The following MAP4K4 variants were observed in gnomAD, a reference collection of about 807,000 sequenced individuals.
MAP4K4 encodes the protein mitogen-activated protein kinase kinase kinase kinase 4, also known as HPK/GCK-like kinase HGK.
A neutral mutation model predicts 189.6 loss-of-function variants in MAP4K4; 38 were observed. The ratio of observed to expected loss-of-function variants is 0.20; its 90% CI spans 0.15 to 0.26. The LOEUF is 0.26. Ranked by LOEUF, MAP4K4 falls within the 10% of genes least tolerant of loss-of-function variation. The probability of loss-of-function intolerance (pLI) is 1.00; values close to 1 mark genes in which losing one functional copy is unlikely to be tolerated. For missense variants in MAP4K4, 1,054 were observed against 1,726.9 expected (o/e 0.61, Z 6.91); for synonymous variants, 610 against 624.3 (o/e 0.98, Z 0.34).
At chr2:101,730,096 G>C (rs868007689) in intron 2 of MAP4K4, among the ~76,000 whole-genome samples, 1 of 152,312 alleles carries the variant, frequency 6.6e-6, no homozygotes, top group Middle Eastern at 3.4e-3. Flanking sequence ...ACCTAGGACG[G>C]GGGAAAGTAA....
chr2:101,702,878 C>T lies in MAP4K4; in HGVS notation c.123+4340C>T, dbSNP rs569987051. Among the ~76,000 whole-genome samples, 6 of 152,264 alleles carry T rather than the reference C, an allele frequency of 3.9e-5. No individual in the cohort carries two copies. In the East Asian group the frequency reaches 1.2e-3, roughly 29 times the overall value. On this transcript the variant is annotated intron_variant, in intron 2 of 32. Coordinates refer to ENST00000324219, the Ensembl canonical transcript of MAP4K4. ...GCTAAGAGTTTGCTCATTCGATGCC[C>T]ATTTGACACTGTGCTCATGTTAGAC...
intron 9 of MAP4K4, among the ~76,000 whole-genome samples, chr2:101,836,337 G>A (rs1283477314): frequency 4.6e-5 from 7 of 152,052 alleles, no homozygotes; most frequent in African/African-American, 9.7e-5. Context: ...TAATCCCAGC[G>A]TTTTGGGAGG....
intron 8 of MAP4K4, among the ~76,000 whole-genome samples, chr2:101,835,123 A>G (rs2096710081): frequency 1.3e-5 from 2 of 152,244 alleles, no homozygotes; most frequent in Non-Finnish European, 2.9e-5. Context: ...GCTAAAAATT[A>G]GTTTTCAGTA....
intron 2 of MAP4K4, among the ~76,000 whole-genome samples, chr2:101,725,792 A>T (rs944809712): frequency 6.6e-6 from 1 of 152,174 alleles, no homozygotes; most frequent in Non-Finnish European, 1.5e-5. Context: ...CTTGAGGAGG[A>T]GCCAGGAGGT....
At chr2:101,752,061 G>C (rs2149991351) in intron 2 of MAP4K4, among the ~76,000 whole-genome samples, 1 of 152,306 alleles carries the variant, frequency 6.6e-6, no homozygotes, top group East Asian at 1.9e-4. Flanking sequence ...CTCTGGGGCT[G>C]GTGGGGGAGA....
chr2:101,745,333 C>G (rs1323793072), intron 2 of MAP4K4, among the ~76,000 whole-genome samples: 2 of 128,782 alleles, frequency 1.6e-5, no homozygotes, highest in African/African-American at 3.3e-5. Context: ...ATATCACCCC[C>G]CCCCCCCCAA....
chr2:101,812,082 ACTTTTT>A (rs2095464847), intron 3 of MAP4K4, among the ~76,000 whole-genome samples: 1 of 152,162 alleles, frequency 6.6e-6, no homozygotes, highest in African/African-American at 2.4e-5. Flanking sequence ...CAATACGTTT[ACTTTTT>A]CTTTTGTGCA....
At chr2:101,834,190 TCC>T (rs1184450703) in intron 7 of MAP4K4, among the ~76,000 whole-genome samples, 1 of 55,224 alleles carries the variant, frequency 1.8e-5, no homozygotes, top group African/African-American at 7.7e-5. Context: ...CTTCCCTCCC[TCC>T]CCTCCCTCCA....
At chr2:101,755,911 A>G (rs1405570331) in intron 2 of MAP4K4, among the ~76,000 whole-genome samples, 2 of 80,844 alleles carry the variant, frequency 2.5e-5, no homozygotes, top group African/African-American at 8.6e-5. Flanking sequence ...AACTTTATTT[A>G]TAGTATGAGT....
rs563910742 is a variant in MAP4K4 at position 101,824,524 on chromosome 2, A to G, written c.306+471A>G. On this transcript the variant is annotated intron_variant, in intron 4 of 32. Coordinates refer to ENST00000324219, the Ensembl canonical transcript of MAP4K4. Reference sequence around the variant, plus strand: ...AATTCCAGGGAAATTTCTGGAATTGACACATTCAACCTTACCTCTTTTTGA... The same window carrying G: ...AATTCCAGGGAAATTTCTGGAATTGGCACATTCAACCTTACCTCTTTTTGA... Among the ~76,000 whole-genome samples, 4 of 152,342 alleles carry G rather than the reference A, an allele frequency of 2.6e-5. No homozygotes were observed. The East Asian group carries it at 7.7e-4, about 29-fold the overall frequency.
exon 17 of MAP4K4, chr2:101,863,981 C>A (rs770077025): frequency 5.1e-6 from 7 of 1,367,696 alleles, no homozygotes; most frequent in Non-Finnish European, 5.9e-6. Flanking sequence ...AGCTCTGACT[C>A]TAAGTCAGAG....
intron 2 of MAP4K4, among the ~76,000 whole-genome samples, chr2:101,785,450 G>C (rs935011033): frequency 2.6e-5 from 4 of 152,060 alleles, no homozygotes; most frequent in East Asian, 1.9e-4. Context: ...TGAGGTGAAG[G>C]CTCTATTTTT....
At chr2:101,701,073 ATTG>A (rs2038359332) in intron 2 of MAP4K4, among the ~76,000 whole-genome samples, 1 of 152,196 alleles carries the variant, frequency 6.6e-6, no homozygotes, top group Admixed American at 6.5e-5. Context: ...TTGTTGCTGA[ATTG>A]TTATTTATAA....
chr2:101,769,146 T>G (rs1392274992), intron 2 of MAP4K4, among the ~76,000 whole-genome samples: 1 of 152,238 alleles, frequency 6.6e-6, no homozygotes, highest in African/African-American at 2.4e-5. Flanking sequence ...AGTTCACTAT[T>G]AAAGTTTCGT....
At chr2:101,756,432 T>C (rs935460463) in intron 2 of MAP4K4, among the ~76,000 whole-genome samples, 4 of 152,214 alleles carry the variant, frequency 2.6e-5, no homozygotes, top group Admixed American at 6.5e-5. Flanking sequence ...TCGGTAGTAG[T>C]TGAAAAATAC....
chr2:101,753,454 G>C (rs1265577572), intron 2 of MAP4K4, among the ~76,000 whole-genome samples: 1 of 152,170 alleles, frequency 6.6e-6, no homozygotes, highest in East Asian at 1.9e-4. Flanking sequence ...CTGTGGAAAT[G>C]CATTCCCTGG....
intron 2 of MAP4K4, among the ~76,000 whole-genome samples, chr2:101,788,679 C>G (rs764746512): frequency 3.3e-5 from 5 of 152,200 alleles, no homozygotes; most frequent in Non-Finnish European, 5.9e-5. Context: ...TCCTTATACT[C>G]TGTTCCCTTA....
intron 27 of MAP4K4, among the ~76,000 whole-genome samples, chr2:101,881,765 C>T (rs2098398184): frequency 6.6e-6 from 1 of 152,102 alleles, no homozygotes; most frequent in Non-Finnish European, 1.5e-5. Context: ...AAATGTTTTT[C>T]TGCATCTGTT....
intron 27 of MAP4K4, among the ~76,000 whole-genome samples, chr2:101,879,189 T>C (rs2098302013): frequency 2.1e-5 from 2 of 93,946 alleles, no homozygotes; most frequent in Admixed American, 2.6e-4. Context: ...AGTGAGAGCC[T>C]GTCTCCAAAA....
Sources: gnomAD v4.1 joint callset for allele counts (sites outside exome capture counted in the v4.1 genomes callset) on GRCh38, gnomAD v4.1.1 for gene constraint, MANE v1.5 for transcripts, NCBI Gene and HGNC (gene_info 2026-07-23, HGNC 2026-07-21) for gene names.